KIAA1217: variants seen among roughly 807,000 people sequenced by gnomAD.
The protein encoded by KIAA1217 is KIAA1217, also known as sickle tail protein homolog.
A neutral mutation model predicts 163.9 loss-of-function variants in KIAA1217; 88 were observed. That is an observed-to-expected ratio of 0.54 (90% CI 0.45 to 0.64). The LOEUF (loss-of-function observed/expected upper bound fraction) is 0.64. KIAA1217 is among the 30% of genes least tolerant of loss of function. The pLI, the probability that KIAA1217 is intolerant of heterozygous loss-of-function variation, is 0.00. For missense variants in KIAA1217, 2,372 were observed against 2,475.0 expected, an observed-to-expected ratio of 0.96 and a Z score of 0.88; for synonymous variants, 903 against 923.1, an observed-to-expected ratio of 0.98 and a Z score of 0.39.
At chr10:24,000,820 G>A (rs1044895326) in intron 1 of KIAA1217, among the ~76,000 whole-genome samples, 1 of 152,240 alleles carries the variant, frequency 6.6e-6, no homozygotes, top group African/African-American at 2.4e-5. Flanking sequence ...ACCCCAGGTC[G>A]AGCACTGCTC....
intron 1 of KIAA1217, among the ~76,000 whole-genome samples, chr10:23,925,746 T>C (rs906772947): frequency 6.6e-6 from 1 of 152,174 alleles, no homozygotes; most frequent in African/African-American, 2.4e-5. Context: ...ACTGGATTCA[T>C]TTCTGGTCCC....
intron 2 of KIAA1217, chr10:24,158,584 G>T: frequency 2.0e-6 from 1 of 505,782 alleles, no homozygotes; most frequent in Admixed American, 2.1e-5. Context: ...GGGAAGCACT[G>T]ACAGACGTGC....
chr10:24,039,604 G>A (rs943204590), intron 2 of KIAA1217, among the ~76,000 whole-genome samples: 4 of 152,094 alleles, frequency 2.6e-5, no homozygotes, highest in Non-Finnish European at 4.4e-5. Flanking sequence ...AAGCTATGAT[G>A]TTTGGTAAGC....
chr10:24,524,045 G>A (rs1451610877), intron 12 of KIAA1217, among the ~76,000 whole-genome samples: 1 of 152,182 alleles, frequency 6.6e-6, no homozygotes, highest in Non-Finnish European at 1.5e-5. Flanking sequence ...GCATATTTGA[G>A]GGCTGCATAG....
intron 2 of KIAA1217, among the ~76,000 whole-genome samples, chr10:24,261,773 G>A (rs912193409): frequency 6.6e-6 from 1 of 152,150 alleles, no homozygotes; most frequent in African/African-American, 2.4e-5. Context: ...TGATGACTGG[G>A]AAGAGTTGTA....
At chr10:24,501,342 G>T in intron 8 of KIAA1217, 37 bp from the exon 9 acceptor site, 1 of 1,582,050 alleles carries the variant, frequency 6.3e-7, no homozygotes. Flanking sequence ...ACTTTCCTTT[G>T]TGGCCTTCTG....
chr10:24,428,763 G>A (rs1034257510), intron 3 of KIAA1217, among the ~76,000 whole-genome samples: 6 of 150,756 alleles, frequency 4.0e-5, no homozygotes, highest in Admixed American at 4.0e-4. Flanking sequence ...TACTTGAGAA[G>A]ATTGCTTGAA....
At chr10:24,347,909 T>G (rs1032026560) in intron 2 of KIAA1217, among the ~76,000 whole-genome samples, 1 of 152,218 alleles carries the variant, frequency 6.6e-6, no homozygotes, top group African/African-American at 2.4e-5. Flanking sequence ...TCACCACACA[T>G]GGTTACCATC....
intron 1 of KIAA1217, among the ~76,000 whole-genome samples, chr10:23,905,319 C>T (rs1286582850): frequency 6.6e-6 from 1 of 151,846 alleles, no homozygotes; most frequent in Non-Finnish European, 1.5e-5. Flanking sequence ...GCAAGTCTCC[C>T]CACTCACAAA....
chr10:24,123,781 TTG>T (rs1166125303), intron 2 of KIAA1217, among the ~76,000 whole-genome samples: 1 of 152,206 alleles, frequency 6.6e-6, no homozygotes, highest in Admixed American at 6.5e-5. Flanking sequence ...GGTTTTGTAT[TTG>T]TTTCCCCATA....
At chr10:23,800,555 C>T (rs774502642) in intron 1 of KIAA1217, among the ~76,000 whole-genome samples, 1 of 152,002 alleles carries the variant, frequency 6.6e-6, no homozygotes, top group Non-Finnish European at 1.5e-5. Context: ...AAATTTCTTC[C>T]AGGGGCCCTC....
At chr10:24,119,179 C>T (rs2063180065) in intron 2 of KIAA1217, among the ~76,000 whole-genome samples, 1 of 152,134 alleles carries the variant, frequency 6.6e-6, no homozygotes, top group African/African-American at 2.4e-5. Flanking sequence ...ATTTCATTAA[C>T]ATGTCATGTG....
chr10:23,916,988 A>AAAAT (rs59096878), intron 1 of KIAA1217, among the ~76,000 whole-genome samples: 1 of 149,048 alleles, frequency 6.7e-6, no homozygotes, highest in Non-Finnish European at 1.5e-5. Flanking sequence ...AAAAAAAAAA[A>AAAAT]GGTTTGTCTT....
chr10:23,805,996 CAAAAAAAAAAAA>C (rs71397917), intron 1 of KIAA1217, among the ~76,000 whole-genome samples: 181 of 30,506 alleles, frequency 5.9e-3, no homozygotes, highest in African/African-American at 0.025. Context: ...AACTCCATCT[CAAAAAAAAAAAA>C]AAAAAAAAAA....
intron 2 of KIAA1217, among the ~76,000 whole-genome samples, chr10:24,333,688 C>T (rs538413139): frequency 2.0e-5 from 3 of 152,102 alleles, no homozygotes; most frequent in Non-Finnish European, 2.9e-5. Context: ...TAACAAAGCA[C>T]GTTGTTTTAA....
At chr10:23,789,616 C>T (rs1835647472) in intron 1 of KIAA1217, among the ~76,000 whole-genome samples, 1 of 152,042 alleles carries the variant, frequency 6.6e-6, no homozygotes, top group Admixed American at 6.6e-5. Context: ...TCTAGCAACT[C>T]AGTAAATGCT....
At chr10:23,776,679 CTTT>C (rs34656346) in intron 1 of KIAA1217, among the ~76,000 whole-genome samples, 3 of 117,904 alleles carry the variant, frequency 2.5e-5, no homozygotes, top group African/African-American at 3.2e-5. Flanking sequence ...ACTGTGGGTA[CTTT>C]TTTTTTTTTT....
intron 6 of KIAA1217, among the ~76,000 whole-genome samples, chr10:24,476,713 C>G (rs2064081506): frequency 6.6e-6 from 1 of 152,102 alleles, no homozygotes; most frequent in Non-Finnish European, 1.5e-5. Context: ...CAAGGTGACT[C>G]CCCACCTGTA....
chr10:24,102,539 A>G (rs1187939377), intron 2 of KIAA1217, among the ~76,000 whole-genome samples: 1 of 152,200 alleles, frequency 6.6e-6, no homozygotes, highest in Non-Finnish European at 1.5e-5. Context: ...CAATAAACTG[A>G]TTCTAACATT....
Sources: allele counts gnomAD v4.1 joint callset (sites outside exome capture counted in the v4.1 genomes callset), GRCh38; gene constraint gnomAD v4.1.1; transcripts MANE v1.5; gene names NCBI Gene and HGNC (gene_info 2026-07-23, HGNC 2026-07-21).